Variants in TMEM132C observed in about 807,000 individuals in gnomAD.
The protein encoded by TMEM132C is transmembrane protein 132C.
TMEM132C carries 29 observed loss-of-function variants against 61.4 expected under a neutral mutation model. The ratio of observed to expected loss-of-function variants is 0.47; its 90% CI spans 0.35 to 0.64. The LOEUF is 0.64. TMEM132C is among the 30% of genes least tolerant of loss of function. The pLI is 0.00. For missense variants in TMEM132C, 1,408 were observed against 1,476.9 expected, an observed-to-expected ratio of 0.95 and a Z score of 0.76; for synonymous variants, 656 against 633.1, an observed-to-expected ratio of 1.04 and a Z score of -0.54.
chr12:128,515,262 C>T (rs1328724178), intron 2 of TMEM132C, among the ~76,000 whole-genome samples: 1 of 152,176 alleles, frequency 6.6e-6, no homozygotes, highest in Non-Finnish European at 1.5e-5. Flanking sequence ...ACAGATAGCT[C>T]TCCTGCATTG....
At chr12:128,652,577 G>A (rs1954282664) in intron 4 of TMEM132C, among the ~76,000 whole-genome samples, 1 of 152,252 alleles carries the variant, frequency 6.6e-6, no homozygotes, top group Non-Finnish European at 1.5e-5. Flanking sequence ...AGAAGACAGA[G>A]GACAATGCCT....
chr12:128,621,865 C>G (rs953182), intron 4 of TMEM132C, among the ~76,000 whole-genome samples: 16,597 of 152,154 alleles, frequency 0.11, 1,000 homozygotes, highest in African/African-American at 0.16. Flanking sequence ...TTGCACCATC[C>G]CTGGCTTTTT....
At chr12:128,454,233 A>T (rs1156646822) in intron 2 of TMEM132C, among the ~76,000 whole-genome samples, 1 of 152,228 alleles carries the variant, frequency 6.6e-6, no homozygotes, top group African/African-American at 2.4e-5. Flanking sequence ...ATATGCCTGC[A>T]GTGTGTTAAT....
intron 2 of TMEM132C, among the ~76,000 whole-genome samples, chr12:128,531,315 G>T (rs1873292759): frequency 6.6e-6 from 1 of 152,208 alleles, no homozygotes; most frequent in Admixed American, 6.5e-5. Context: ...GGCAGCAAAA[G>T]GTAATGGCCA....
intron 8 of TMEM132C, among the ~76,000 whole-genome samples, chr12:128,702,306 G>A (rs1197755072): frequency 6.7e-6 from 1 of 149,042 alleles, no homozygotes; most frequent in Non-Finnish European, 1.5e-5. Context: ...TATTTTTGTT[G>A]GTTCGTTTTA....
Position 128,706,065 on chromosome 12 carries a change from G to A in TMEM132C, c.3097G>A (p.Gly1033Arg). Residue 1033 changes from glycine to arginine, a missense_variant, in exon 9 of 9, where the codon GGG (glycine) becomes AGG (arginine). Coordinates refer to ENST00000435159, the MANE Select transcript of TMEM132C (RefSeq NM_001136103.3). ...GATTCACAGGTCAGCCGACTCCGGG[G>A]GGCGGCAGGGCAGAGAACAGAAGCA... ...SQIHRSADSG[G>R]RQGREQKQDP... The A allele has an allele frequency of 6.4e-7, 1 of 1,551,700 alleles. No individual in the cohort carries two copies. Among genetic ancestry groups the A allele is most frequent in the Non-Finnish European group, 8.7e-7 (1 of 1,146,982 alleles).
intron 1 of TMEM132C, among the ~76,000 whole-genome samples, chr12:128,410,262 G>A (rs867492425): frequency 6.6e-6 from 1 of 152,088 alleles, no homozygotes; most frequent in South Asian, 2.1e-4. Flanking sequence ...TCCTCAAATG[G>A]TGACATTTGA....
intron 4 of TMEM132C, among the ~76,000 whole-genome samples, chr12:128,623,484 G>A (rs966155631): frequency 2.7e-5 from 4 of 150,072 alleles, no homozygotes; most frequent in Non-Finnish European, 4.4e-5. Context: ...AAAAAGTAAA[G>A]CTATGTTCTA....
At chr12:128,335,475 C>T (rs879907266) in intron 1 of TMEM132C, among the ~76,000 whole-genome samples, 4 of 152,014 alleles carry the variant, frequency 2.6e-5, no homozygotes, top group Admixed American at 1.3e-4. Context: ...TCTAACTGCC[C>T]GTCATTATAT....
intron 3 of TMEM132C, among the ~76,000 whole-genome samples, chr12:128,597,496 A>AGAAGGAAGGAAG (rs35995948): frequency 1.1e-4 from 17 of 149,504 alleles, no homozygotes; most frequent in African/African-American, 4.2e-4. Flanking sequence ...AAGGAAGGAA[A>AGAAGGAAGGAAG]GAAGGAAGGA....
rs1050397677 is a variant in TMEM132C, at chr12:128,447,767, C to T, written c.974+32147C>T. ...CGGAGTCTCGCTCTGTCGCCCAGGC[C>T]GGACTGCGGACTGCAGTGGCGCAAT... On this transcript the variant is annotated intron_variant, in intron 2 of 8. Transcript: ENST00000435159. Among the ~76,000 whole-genome samples the T allele has an allele frequency of 6.8e-5, 6 of 88,124 alleles. No homozygotes were observed. In the South Asian group the frequency reaches 9.3e-4, roughly 14 times the overall value. 57.8% of individuals were successfully genotyped at this position (88,124 alleles called of 152,430 possible).
chr12:128,559,200 C>G (rs1176692577), intron 3 of TMEM132C, among the ~76,000 whole-genome samples: 1 of 150,752 alleles, frequency 6.6e-6, no homozygotes, highest in Non-Finnish European at 1.5e-5. Flanking sequence ...CACACATTTC[C>G]TCTCCCACTG....
Position 128,706,205 on chromosome 12 carries a change from T to A in TMEM132C, c.3237T>A (p.Asp1079Glu). The change falls in exon 9 of 9, where the codon GAT (aspartate) becomes GAA (glutamate). Residue 1079 changes from aspartate (D) to glutamate (E), a missense_variant. Physicochemically the swap from Asp to Glu is conservative, Grantham distance 45. Transcript: ENST00000435159. ...TGAACTCCATCGTCAGCAGCAATGA[T>A]GAGGACATCAAATGGGTGTGTCAAG... ...PTVNSIVSSN[D>E]EDIKWVCQDV... 1 of 1,551,772 alleles carries A rather than the reference T, an allele frequency of 6.4e-7. No homozygotes were observed. Among genetic ancestry groups the A allele is most frequent in the East Asian group, 2.4e-5 (1 of 40,926 alleles).
intron 1 of TMEM132C, among the ~76,000 whole-genome samples, chr12:128,362,304 T>A (rs936500952): frequency 6.6e-6 from 1 of 152,090 alleles, no homozygotes; most frequent in African/African-American, 2.4e-5. Flanking sequence ...GGGTGCCTCA[T>A]CACCCATGAG....
intron 2 of TMEM132C, chr12:128,437,894 T>C (rs2136044088): frequency 6.6e-6 from 1 of 152,354 alleles, no homozygotes; most frequent in East Asian, 1.9e-4. Flanking sequence ...CTCTGATCTC[T>C]TTGTGCTTTT....
chr12:128,450,609 A>G (rs939356713), intron 2 of TMEM132C, among the ~76,000 whole-genome samples: 51 of 152,358 alleles, frequency 3.3e-4, no homozygotes, highest in African/African-American at 1.1e-3. Flanking sequence ...ATTCATATGC[A>G]TAAGAAAAAA....
intron 2 of TMEM132C, among the ~76,000 whole-genome samples, chr12:128,481,698 A>G (rs979773794): frequency 2.6e-5 from 4 of 152,176 alleles, no homozygotes; most frequent in African/African-American, 9.6e-5. Flanking sequence ...TCAGAGCCTT[A>G]ACTTGACATC....
intron 3 of TMEM132C, among the ~76,000 whole-genome samples, chr12:128,599,186 C>T (rs888497240): frequency 1.3e-5 from 2 of 152,178 alleles, no homozygotes; most frequent in Non-Finnish European, 2.9e-5. Context: ...GGGGTCATCA[C>T]CCCCAGCGTT....
chr12:128,361,925 G>A (rs563512787), intron 1 of TMEM132C, among the ~76,000 whole-genome samples: 18 of 152,258 alleles, frequency 1.2e-4, no homozygotes, highest in Admixed American at 8.5e-4. Flanking sequence ...TTCAGCAGGC[G>A]TAAAGCTTGT....
Sources: allele counts gnomAD v4.1 joint callset (sites outside exome capture counted in the v4.1 genomes callset), GRCh38; gene constraint gnomAD v4.1.1; transcripts MANE v1.5; gene names NCBI Gene and HGNC (gene_info 2026-07-23, HGNC 2026-07-21).